POU2F1: variants seen among roughly 807,000 people sequenced by gnomAD.
POU2F1 encodes the protein POU domain, class 2, transcription factor 1.
A neutral mutation model predicts 84.9 loss-of-function variants in POU2F1; 16 were observed. The observed-to-expected ratio is 0.19, with a 90% CI of 0.13 to 0.29. The LOEUF is 0.29. Ranked by LOEUF, POU2F1 falls within the 10% of genes least tolerant of loss-of-function variation. The pLI is 1.00. For synonymous variants in POU2F1, 368 were observed against 368.3 expected, an observed-to-expected ratio of 1.00 and a Z score of 0.01; for missense variants, 738 against 942.6, an observed-to-expected ratio of 0.78 and a Z score of 2.84.
chr1:167,413,368 G>A (rs1167526843), intron 15 of POU2F1, among the ~76,000 whole-genome samples: 3 of 152,188 alleles, frequency 2.0e-5, no homozygotes, highest in Non-Finnish European at 4.4e-5. Context: ...TTGGTATATG[G>A]TAAAAAACCA....
chr1:167,377,276 A>G (rs1208064364), intron 7 of POU2F1, among the ~76,000 whole-genome samples: 1 of 152,146 alleles, frequency 6.6e-6, no homozygotes, highest in Non-Finnish European at 1.5e-5. Flanking sequence ...AGTGCTTCCT[A>G]AGATTTGATT....
intron 7 of POU2F1, among the ~76,000 whole-genome samples, chr1:167,377,668 T>C (rs1387102809): frequency 6.6e-6 from 1 of 152,210 alleles, no homozygotes; most frequent in Non-Finnish European, 1.5e-5. Flanking sequence ...TTACTTTTTT[T>C]CTTATTTTTA....
intron 1 of POU2F1, among the ~76,000 whole-genome samples, chr1:167,253,962 A>C (rs1254455801): frequency 1.3e-5 from 2 of 152,204 alleles, no homozygotes; most frequent in East Asian, 3.8e-4. Flanking sequence ...CTTTAGCTCC[A>C]TCTAGGAATT....
At chr1:167,272,345 G>A (rs1225014503) in intron 1 of POU2F1, among the ~76,000 whole-genome samples, 1 of 92,986 alleles carries the variant, frequency 1.1e-5, no homozygotes. Flanking sequence ...GGCTGGGAAT[G>A]TTCTTACTCT....
At chr1:167,248,315 A>G (rs1052381428) in intron 1 of POU2F1, among the ~76,000 whole-genome samples, 1 of 152,238 alleles carries the variant, frequency 6.6e-6, no homozygotes, top group Non-Finnish European at 1.5e-5. Context: ...GCACAAAACA[A>G]TCATCTAAGG....
chr1:167,362,997 A>G (rs1659441761), intron 2 of POU2F1, among the ~76,000 whole-genome samples: 1 of 152,198 alleles, frequency 6.6e-6, no homozygotes. Flanking sequence ...ATCATAATAC[A>G]TTAAAAATGT....
At chr1:167,241,117 G>A (rs1459549192) in intron 1 of POU2F1, among the ~76,000 whole-genome samples, 1 of 152,080 alleles carries the variant, frequency 6.6e-6, no homozygotes, top group African/African-American at 2.4e-5. Context: ...ACTCCAGCCT[G>A]GGCAACAAGA....
chr1:167,363,056 C>T (rs77500376), intron 2 of POU2F1, among the ~76,000 whole-genome samples: 9 of 152,046 alleles, frequency 5.9e-5, no homozygotes, highest in African/African-American at 1.7e-4. Flanking sequence ...CTCCTCCCCC[C>T]CAAGGCAGAA....
chr1:167,415,400 G>A, intron 15 of POU2F1, 100 bp from the exon 16 acceptor site: 7 of 1,309,514 alleles, frequency 5.3e-6, no homozygotes, highest in Non-Finnish European at 7.4e-6. Context: ...TTTCCTGGTG[G>A]GTTGTAGGAA....
intron 2 of POU2F1, among the ~76,000 whole-genome samples, chr1:167,360,660 G>A (rs1378239548): frequency 2.0e-5 from 3 of 152,050 alleles, no homozygotes; most frequent in Admixed American, 2.0e-4. Context: ...GTTTAGGATT[G>A]CCTTGGCTAT....
intron 1 of POU2F1, among the ~76,000 whole-genome samples, chr1:167,253,804 G>A (rs1650920418): frequency 6.6e-6 from 1 of 152,086 alleles, no homozygotes; most frequent in African/African-American, 2.4e-5. Context: ...TTGGTGCCAG[G>A]TTTGCCTGTC....
chr1:167,283,938 A>G (rs1258658889), intron 1 of POU2F1, among the ~76,000 whole-genome samples: 1 of 152,202 alleles, frequency 6.6e-6, no homozygotes, highest in Non-Finnish European at 1.5e-5. Flanking sequence ...AATAATAAAT[A>G]CTTTGAATTT....
chr1:167,334,804 G>T (rs998686153), intron 2 of POU2F1, among the ~76,000 whole-genome samples: 19 of 152,298 alleles, frequency 1.2e-4, no homozygotes, highest in South Asian at 6.2e-4. Flanking sequence ...TCAGACTCTT[G>T]AGTTGTTAGT....
At chr1:167,266,155 C>A (rs1205876868) in intron 1 of POU2F1, among the ~76,000 whole-genome samples, 1 of 152,194 alleles carries the variant, frequency 6.6e-6, no homozygotes, top group African/African-American at 2.4e-5. Flanking sequence ...TTTTAAGTTT[C>A]AGGATACATG....
intron 1 of POU2F1, among the ~76,000 whole-genome samples, chr1:167,242,289 A>G (rs1649968466): frequency 6.6e-6 from 1 of 152,240 alleles, no homozygotes; most frequent in African/African-American, 2.4e-5. Flanking sequence ...AATAAATGCC[A>G]TGCACGAGAA....
chr1:167,247,158 C>T (rs985341900), intron 1 of POU2F1, among the ~76,000 whole-genome samples: 1 of 151,972 alleles, frequency 6.6e-6, no homozygotes, highest in Non-Finnish European at 1.5e-5. Flanking sequence ...TCACTGCACT[C>T]TCAACCTTCT....
intron 6 of POU2F1, among the ~76,000 whole-genome samples, chr1:167,374,883 C>T (rs890406504): frequency 5.9e-5 from 9 of 152,034 alleles, no homozygotes; most frequent in East Asian, 3.9e-4. Context: ...CTGGCTAACA[C>T]GGTGAAACCC....
intron 7 of POU2F1, 73 bp from the exon 8 acceptor site, chr1:167,383,784 G>A (rs1342143945): frequency 2.2e-6 from 3 of 1,355,980 alleles, no homozygotes; most frequent in Admixed American, 3.9e-5. Context: ...CTCATTTTCT[G>A]ATTCTTTCTT....
At chr1:167,389,055 A>G (rs1648194046) in intron 8 of POU2F1, among the ~76,000 whole-genome samples, 1 of 152,216 alleles carries the variant, frequency 6.6e-6, no homozygotes. Flanking sequence ...AAAAAACTGG[A>G]ACAGATATAC....
Sources: gnomAD v4.1 joint callset for allele counts (sites outside exome capture counted in the v4.1 genomes callset) on GRCh38, gnomAD v4.1.1 for gene constraint, MANE v1.5 for transcripts, NCBI Gene and HGNC (gene_info 2026-07-23, HGNC 2026-07-21) for gene names.